The following ATRIP variants were observed in gnomAD, a reference collection of about 807,000 sequenced individuals.
ATRIP encodes ATR-interacting protein.
A neutral mutation model predicts 78.1 loss-of-function variants in ATRIP; 44 were observed. That is an observed-to-expected ratio of 0.56 (90% CI 0.44 to 0.72). ATRIP has a LOEUF of 0.72. Ranked by LOEUF, ATRIP falls within the 30% of genes least tolerant of loss-of-function variation. The pLI, the probability that ATRIP is intolerant of heterozygous loss-of-function variation, is 0.00. For synonymous variants in ATRIP, 388 were observed against 408.9 expected, an observed-to-expected ratio of 0.95 and a Z score of 0.62; for missense variants, 927 against 980.2, an observed-to-expected ratio of 0.95 and a Z score of 0.72.
chr3:48,453,629 A>G (rs1213688162), intron 3 of ATRIP, among the ~76,000 whole-genome samples: 1 of 152,232 alleles, frequency 6.6e-6, no homozygotes, highest in Non-Finnish European at 1.5e-5. Context: ...GGCTGTAGCA[A>G]CTGCAGGCCA....
Position 48,467,215 on chromosome 3 carries a change from A to G in ATRIP, c.*1661A>G. The G allele has an allele frequency of 1.2e-6, 2 of 1,613,992 alleles. No homozygotes were observed. Among genetic ancestry groups the G allele is most frequent in the South Asian group, 1.1e-5 (1 of 91,072 alleles). On this transcript the variant is annotated 3_prime_UTR_variant, in exon 13 of 13. Transcript: ENST00000320211. ...CTAGGCAGCATCTACACTCGCCTGT[A>G]TGGGCAGTCCCCTCCAGACTCGCAC...
At chr3:48,458,556 G>A (rs752201709) in intron 5 of ATRIP, among the ~76,000 whole-genome samples, 9 of 152,034 alleles carry the variant, frequency 5.9e-5, no homozygotes, top group African/African-American at 1.2e-4. Context: ...TCATGACCTC[G>A]TGATCCACCC....
At chr3:48,447,426 T>TG in intron 1 of ATRIP, 1 of 1,030,452 alleles carries the variant, frequency 9.7e-7, no homozygotes, top group Non-Finnish European at 1.2e-6. Context: ...TACCCATGCA[T>TG]GGGGACCCAT....
rs369495692 is a variant in ATRIP at position 48,465,042 on chromosome 3, G to A, written c.2267G>A (p.Ser756Asn). ...HQFDQVMPGV[S>N]MLIRGLPDVT... Reference sequence around the variant, plus strand: ...TTTGACCAGGTGATGCCGGGGGTCAGCATGCTCATCCGAGGGCTTCCTGAT... The same window carrying A: ...TTTGACCAGGTGATGCCGGGGGTCAACATGCTCATCCGAGGGCTTCCTGAT... Residue 756 changes from serine to asparagine, a missense_variant, in exon 12 of 13, where the codon AGC becomes AAC. By Grantham distance (46) the Ser-to-Asn change is conservative. Coordinates refer to ENST00000320211, the MANE Select transcript of ATRIP (RefSeq NM_130384.3). 6.2e-7 allele frequency: 1 copy of A among 1,613,550 alleles called. No individual in the cohort carries two copies.
At position 48,466,827 on chromosome 3, in the gene ATRIP, C is replaced by G; in HGVS notation, c.*1273C>G. 1 of 1,614,026 alleles carries G rather than the reference C, an allele frequency of 6.2e-7. No individual in the cohort carries two copies. The highest frequency in any genetic ancestry group is 1.1e-5 in the South Asian group (1 of 91,088). The stretch of plus-strand genomic sequence containing the variant: ...CTCTCAGGGGCCACCTCCCACAGTT[C>G]CTCCACCACCGCGTGTGGTAGACAA... On this transcript the variant is annotated 3_prime_UTR_variant, in exon 13 of 13. Transcript: ENST00000320211.
chr3:48,446,810 C>G lies in ATRIP; in HGVS notation c.-36C>G, dbSNP rs1031583048. ...CCGGCCTGGCGGCAGGCAAGTCTAG[C>G]TCGGCGCTGTCGGATACTTGGGGTG... On this transcript the variant is annotated 5_prime_UTR_variant, in exon 1 of 13. Transcript: ENST00000320211. The G allele has an allele frequency of 1.5e-6, 2 of 1,378,638 alleles. No homozygotes were observed. The highest frequency in any genetic ancestry group is 1.5e-5 in the African/African-American group (1 of 66,354). 85.4% of individuals were successfully genotyped at this position (1,378,638 alleles called of 1,614,324 possible).
intron 1 of ATRIP, chr3:48,447,314 A>C (rs936106086): frequency 3.0e-5 from 37 of 1,231,038 alleles, no homozygotes; most frequent in Non-Finnish European, 3.7e-5. Context: ...ACAGAAGGCT[A>C]AGTTGACATT....
chr3:48,456,131 T>C (rs751183449), intron 4 of ATRIP, among the ~76,000 whole-genome samples: 5 of 149,804 alleles, frequency 3.3e-5, no homozygotes, highest in Non-Finnish European at 7.4e-5. Context: ...GAAAAAAAAA[T>C]AGTTTGTTCC....
chr3:48,457,168 A>G (rs2039974403), intron 4 of ATRIP, 91 bp from the exon 5 acceptor site: 1 of 1,266,186 alleles, frequency 7.9e-7, no homozygotes, highest in Admixed American at 3.3e-5. Context: ...TAGACATGAA[A>G]AGTTTAAAGT....
intron 8 of ATRIP, 73 bp from the exon 9 acceptor site, chr3:48,463,672 T>C: frequency 6.3e-7 from 1 of 1,587,732 alleles, no homozygotes; most frequent in Non-Finnish European, 8.6e-7. Context: ...CTGTTACCTC[T>C]AGTGGAGTGT....
At chr3:48,447,156 G>A in intron 1 of ATRIP, 64 bp downstream of exon 1, 2 of 1,387,468 alleles carry the variant, frequency 1.4e-6, no homozygotes, top group South Asian at 1.7e-5. Flanking sequence ...CCCCTTGATG[G>A]CTGTGGCTTC....
chr3:48,448,945 G>T (rs2039756835), intron 1 of ATRIP, among the ~76,000 whole-genome samples: 1 of 152,144 alleles, frequency 6.6e-6, no homozygotes, highest in African/African-American at 2.4e-5. Flanking sequence ...GCTCACTATT[G>T]TACCTGTAGA....
Position 48,447,023 on chromosome 3 carries a change from C to CG in ATRIP, c.178_179insG (p.Leu60ArgfsTer5). The stretch of plus-strand genomic sequence containing the variant: ...GCATGGGGACTTCACTGCCGACGAC[C>CG]TGGAGGAGCTTGACACCCTCGCGTC... On this transcript the variant is annotated frameshift_variant, in exon 1 of 13. Coordinates refer to ENST00000320211, the MANE Select transcript of ATRIP (RefSeq NM_130384.3). LOFTEE classifies it high-confidence loss of function. 1 of 1,573,340 alleles carries CG rather than the reference C, an allele frequency of 6.4e-7. No homozygotes were observed. Among genetic ancestry groups the CG allele is most frequent in the Non-Finnish European group, 8.6e-7 (1 of 1,162,424 alleles).
At chr3:48,457,850 CT>C (rs1344666977) in intron 5 of ATRIP, among the ~76,000 whole-genome samples, 1 of 151,876 alleles carries the variant, frequency 6.6e-6, no homozygotes, top group Admixed American at 6.6e-5. Context: ...AAGCTTATAC[CT>C]TTTTTTTAAT....
intron 2 of ATRIP, among the ~76,000 whole-genome samples, chr3:48,451,133 G>A (rs1455149323): frequency 6.6e-6 from 1 of 151,732 alleles, no homozygotes; most frequent in Non-Finnish European, 1.5e-5. Flanking sequence ...AGGTTGCAGT[G>A]AGCCGAGATC....
Position 48,466,945 on chromosome 3 carries a change from G to A in ATRIP, c.*1391G>A, listed in dbSNP as rs200773268. Reference sequence around the variant, plus strand: ...ACAGCTGTGCTGGCAGCGCATGGGCGTCAATGTTTTGATGACAACCTGGCC... The same window carrying A: ...ACAGCTGTGCTGGCAGCGCATGGGCATCAATGTTTTGATGACAACCTGGCC... On this transcript the variant is annotated 3_prime_UTR_variant, in exon 13 of 13. Coordinates refer to ENST00000320211, the MANE Select transcript of ATRIP (RefSeq NM_130384.3). 54 of 1,611,752 alleles carry A rather than the reference G, an allele frequency of 3.4e-5. 1 individual carries two copies. The highest frequency in any genetic ancestry group is 1.8e-4 in the South Asian group (16 of 91,086).
rs374149433 is a variant in ATRIP, at chr3:48,455,002, A to G, written c.671+584A>G. 2.0e-5 allele frequency among the ~76,000 whole-genome samples: 3 copies of G among 151,940 alleles called. No individual in the cohort carries two copies. The East Asian group carries it at 5.8e-4, about 29-fold the overall frequency. On this transcript the variant is annotated intron_variant, in intron 4 of 12. Coordinates refer to ENST00000320211, the MANE Select transcript of ATRIP (RefSeq NM_130384.3). ...TTCAGCCTCCTGAGTAGCTGGGACT[A>G]CAGGCACACACCACCACGCCCAGCT...
chr3:48,463,742 T>C lies in ATRIP; in HGVS notation c.1746-3T>C, dbSNP rs767483267. 1.9e-6 allele frequency: 3 copies of C among 1,614,066 alleles called. No individual in the cohort carries two copies. The highest frequency in any genetic ancestry group is 2.2e-5 in the South Asian group (2 of 91,084). On this transcript the variant is annotated splice_region_variant and splice_polypyrimidine_tract_variant and intron_variant, in intron 8 of 12. Coordinates refer to ENST00000320211, the MANE Select transcript of ATRIP (RefSeq NM_130384.3). ...CACGTCTCTCTGGGTCCCTGTCTTT[T>C]AGGTTCCAGTGTGTGTTCCAAGTGC...
Position 48,447,043 on chromosome 3 carries a change from C to A in ATRIP, c.198C>A (p.Leu66=). ...ACGACCTGGAGGAGCTTGACACCCT[C>A]GCGTCACAGGCCCTGAGCCAATGTC... ...TADDLEELDT[L]ASQALSQCPA... The change falls in exon 1 of 13, where the codon CTC becomes CTA. Residue 66 remains leucine (L), a synonymous_variant. Coordinates refer to ENST00000320211, the MANE Select transcript of ATRIP (RefSeq NM_130384.3). The A allele has an allele frequency of 6.4e-7, 1 of 1,570,146 alleles. No homozygotes were observed. Among genetic ancestry groups the A allele is most frequent in the Non-Finnish European group, 8.6e-7 (1 of 1,160,578 alleles).
Sources: allele counts gnomAD v4.1 joint callset (sites outside exome capture counted in the v4.1 genomes callset), GRCh38; gene constraint gnomAD v4.1.1; transcripts MANE v1.5; gene names NCBI Gene and HGNC (gene_info 2026-07-23, HGNC 2026-07-21).